The following PCSK2 variants were observed in gnomAD, a reference collection of about 807,000 sequenced individuals.
PCSK2 encodes the protein proprotein convertase subtilisin/kexin type 2.
PCSK2 carries 14 observed loss-of-function variants against 69.7 expected under a neutral mutation model. The ratio of observed to expected loss-of-function variants is 0.20; its 90% CI spans 0.13 to 0.31. PCSK2 has a LOEUF of 0.31. PCSK2 is among the 10% of genes least tolerant of loss of function. The probability of loss-of-function intolerance (pLI) is 1.00; values close to 1 mark genes in which losing one functional copy is unlikely to be tolerated. For missense variants in PCSK2, 544 were observed against 842.5 expected (o/e 0.65, Z 4.39); for synonymous variants, 307 against 320.7 (o/e 0.96, Z 0.46).
At chr20:17,361,858 G>C (rs2030407818) in intron 4 of PCSK2, among the ~76,000 whole-genome samples, 1 of 152,212 alleles carries the variant, frequency 6.6e-6, no homozygotes, top group African/African-American at 2.4e-5. Context: ...GATGTCAGGA[G>C]TTTATAAATG....
At chr20:17,406,915 C>A (rs889779991) in intron 5 of PCSK2, among the ~76,000 whole-genome samples, 2 of 152,104 alleles carry the variant, frequency 1.3e-5, no homozygotes, top group African/African-American at 4.8e-5. Context: ...AGACGGGGAC[C>A]TAGTGCTGGT....
At position 17,409,300 on chromosome 20, in the gene PCSK2, C is replaced by T. The variant is rs1341713404; in HGVS notation, c.581C>T (p.Pro194Leu). The T allele has an allele frequency of 6.8e-6, 11 of 1,613,898 alleles. No individual in the cohort carries two copies. The highest frequency in any genetic ancestry group is 9.3e-6 in the Non-Finnish European group (11 of 1,179,900). The stretch of plus-strand genomic sequence containing the variant: ...AGTTACGACTTCAGCAGCAACGACC[C>T]CTATCCTTACCCTCGGTACACAGAT... The part of the protein sequence containing the change: ...EASYDFSSND[P>L]YPYPRYTDDW... Residue 194 changes from proline to leucine, a missense_variant, in exon 6 of 12, where the codon CCC becomes CTC. Transcript: ENST00000262545.
At chr20:17,316,589 G>A (rs1405651476) in intron 2 of PCSK2, among the ~76,000 whole-genome samples, 1 of 152,104 alleles carries the variant, frequency 6.6e-6, no homozygotes, top group African/African-American at 2.4e-5. Context: ...CTAGAGTGCT[G>A]GCAACCCAGA....
Position 17,481,764 on chromosome 20 carries a change from C to T in PCSK2, c.1611C>T (p.Ser537=). 1 of 1,614,128 alleles carries T rather than the reference C, an allele frequency of 6.2e-7. No homozygotes were observed. Among genetic ancestry groups the T allele is most frequent in the Non-Finnish European group, 8.5e-7 (1 of 1,179,996 alleles). Reference sequence around the variant, plus strand: ...TGGGCACCAAGTCCATTTTGCTGAGCCGGCGTCCAAGGGATGACGACTCCA... The same window carrying T: ...TGGGCACCAAGTCCATTTTGCTGAGTCGGCGTCCAAGGGATGACGACTCCA... The part of the protein sequence containing the change: ...SPMGTKSILL[S]RRPRDDDSKV... Residue 537 remains serine, a synonymous_variant, in exon 12 of 12, where the codon AGC becomes AGT. Transcript: ENST00000262545.
chr20:17,481,960 G>A lies in PCSK2; in HGVS notation c.1807G>A (p.Val603Met). Residue 603 changes from valine to methionine, a missense_variant, in exon 12 of 12, where the codon GTG (valine) becomes ATG (methionine). Physicochemically the swap from Val to Met is conservative, Grantham distance 21. This residue lies in a region of PCSK2 where 200 missense variants were observed against 287.8 expected (regional missense o/e 0.69). Coordinates refer to ENST00000262545, the MANE Select transcript of PCSK2 (RefSeq NM_002594.5). ...GTQSAPYIDQ[V>M]VRDYQSKLAM... ...TCAGAGTGCCCCGTACATCGACCAG[G>A]TGGTGCGGGATTACCAGTCCAAGTT... 1 of 1,613,340 alleles carries A rather than the reference G, an allele frequency of 6.2e-7. No individual in the cohort carries two copies. Among genetic ancestry groups the A allele is most frequent in the Non-Finnish European group, 8.5e-7 (1 of 1,179,888 alleles).
At position 17,481,638 on chromosome 20, in the gene PCSK2, G is replaced by C. The variant is rs775395000; in HGVS notation, c.1485G>C (p.Glu495Asp). The change falls in exon 12 of 12, where the codon GAG becomes GAC. Residue 495 changes from glutamate (E) to aspartate (D), a missense_variant. This residue lies in a region of PCSK2 where 200 missense variants were observed against 287.8 expected (regional missense o/e 0.69). Transcript: ENST00000262545. Reference protein sequence around the residue: ...LVLTLTTDACEGKENFVRYLE... With the variant: ...LVLTLTTDACDGKENFVRYLE... ...TGACACTCACAACCGACGCCTGTGA[G>C]GGGAAGGAAAATTTTGTCCGCTACC... The C allele has an allele frequency of 1.2e-5, 20 of 1,613,982 alleles. No homozygotes were observed. Among genetic ancestry groups the C allele is most frequent in the Admixed American group, 6.7e-5 (4 of 59,982 alleles).
At chr20:17,272,809 C>G (rs998723293) in intron 2 of PCSK2, among the ~76,000 whole-genome samples, 5 of 152,006 alleles carry the variant, frequency 3.3e-5, no homozygotes, top group Non-Finnish European at 7.4e-5. Context: ...ACCAGGGAGG[C>G]TATTTGAAGA....
chr20:17,232,354 TG>T (rs2122931301), intron 1 of PCSK2, among the ~76,000 whole-genome samples: 1 of 152,370 alleles, frequency 6.6e-6, no homozygotes, highest in East Asian at 1.9e-4. Flanking sequence ...ATTTTACATC[TG>T]TTTTCTTTTA....
intron 11 of PCSK2, among the ~76,000 whole-genome samples, chr20:17,476,086 C>T (rs958709789): frequency 6.6e-6 from 1 of 152,202 alleles, no homozygotes; most frequent in Non-Finnish European, 1.5e-5. Context: ...TAGAATGTGT[C>T]ATTTCCCTCA....
chr20:17,276,830 G>C lies in PCSK2; in HGVS notation c.282+16486G>C, dbSNP rs1988098467. Reference sequence around the variant, plus strand: ...ATACCTAGAAAACCCCATCGTCTCAGCCCAAAATCTCCTTAAGCTGATAAG... The same window carrying C: ...ATACCTAGAAAACCCCATCGTCTCACCCCAAAATCTCCTTAAGCTGATAAG... On this transcript the variant is annotated intron_variant, in intron 2 of 11. Transcript: ENST00000262545. Among the ~76,000 whole-genome samples, 3 of 152,224 alleles carry C rather than the reference G, an allele frequency of 2.0e-5. No homozygotes were observed. The South Asian group carries it at 6.2e-4, about 32-fold the overall frequency.
chr20:17,293,170 A>G (rs947896115), intron 2 of PCSK2, among the ~76,000 whole-genome samples: 29 of 152,224 alleles, frequency 1.9e-4, no homozygotes, highest in African/African-American at 6.0e-4. Context: ...TAGAAAAGCT[A>G]TGAAGTTTTT....
Position 17,358,319 on chromosome 20 carries a change from C to A in PCSK2, c.283-8C>A, listed in dbSNP as rs55706167. On this transcript the variant is annotated splice_polypyrimidine_tract_variant and splice_region_variant and intron_variant, in intron 2 of 11. Transcript: ENST00000262545. ...TATTCAGGTAATATGTCAGCATTGT[C>A]ATTCCAGGTAAAGATGGCTTTGCAG... is the stretch of plus-strand genomic sequence containing the variant. The A allele has an allele frequency of 4.1e-5, 62 of 1,513,936 alleles. No homozygotes were observed. The highest frequency in any genetic ancestry group is 5.0e-5 in the Non-Finnish European group (54 of 1,088,890). The allele number at this position is 1,513,936 out of a possible 1,614,324, so 93.8% of individuals were successfully genotyped here. A position where few individuals can be genotyped will look rare whatever the true frequency, so the allele number is the denominator to read the frequency against.
At chr20:17,416,537 G>A (rs536479793) in intron 6 of PCSK2, among the ~76,000 whole-genome samples, 1 of 150,876 alleles carries the variant, frequency 6.6e-6, no homozygotes, top group Admixed American at 6.6e-5. Flanking sequence ...TGCTGGAGAG[G>A]ATGTGGAGAA....
intron 2 of PCSK2, among the ~76,000 whole-genome samples, chr20:17,281,484 G>A (rs552170194): frequency 6.6e-6 from 1 of 152,330 alleles, no homozygotes; most frequent in African/African-American, 2.4e-5. Flanking sequence ...CCATGGTGAT[G>A]CTGAGAATGT....
intron 8 of PCSK2, among the ~76,000 whole-genome samples, chr20:17,437,651 T>A (rs917966159): frequency 6.6e-6 from 1 of 152,190 alleles, no homozygotes; most frequent in Non-Finnish European, 1.5e-5. Flanking sequence ...TGCTCGGCAC[T>A]GAGAAGTGCC....
chr20:17,340,963 G>A (rs1990493300), intron 2 of PCSK2, among the ~76,000 whole-genome samples: 1 of 152,124 alleles, frequency 6.6e-6, no homozygotes, highest in African/African-American at 2.4e-5. Flanking sequence ...AATGTTTAAA[G>A]GATTGGCCGG....
At position 17,227,109 on chromosome 20, in the gene PCSK2, C is replaced by T. The variant is rs1985942390; in HGVS notation, c.-197C>T. Reference sequence around the variant, plus strand: ...GCCCGCGCGCCGGGCCGCCTGACTGCACGGCTTCCCCTCCAGCCAGATGCT... The same window carrying T: ...GCCCGCGCGCCGGGCCGCCTGACTGTACGGCTTCCCCTCCAGCCAGATGCT... On this transcript the variant is annotated 5_prime_UTR_variant, in exon 1 of 12. Coordinates refer to ENST00000262545, the MANE Select transcript of PCSK2 (RefSeq NM_002594.5). 7.1e-6 allele frequency: 4 copies of T among 565,238 alleles called. No homozygotes were observed. The East Asian group carries it at 8.7e-5, about 12-fold the overall frequency. 35.0% of individuals were successfully genotyped at this position (565,238 alleles called of 1,614,324 possible). A position where few individuals can be genotyped will look rare whatever the true frequency, so the allele number is the denominator to read the frequency against.
chr20:17,443,314 C>T (rs917914924), intron 8 of PCSK2, among the ~76,000 whole-genome samples: 1 of 152,194 alleles, frequency 6.6e-6, no homozygotes, highest in Non-Finnish European at 1.5e-5. Context: ...ATGCGGTTTA[C>T]AGAGAATGTC....
chr20:17,358,320 A>T lies in PCSK2; in HGVS notation c.283-7A>T, dbSNP rs369745502. 4.5e-4 allele frequency: 684 copies of T among 1,525,762 alleles called. 13 individuals are homozygous for T. The South Asian group carries it at 7.2e-3, about 16-fold the overall frequency. The allele number at this position is 1,525,762 out of a possible 1,614,324, so 94.5% of individuals were successfully genotyped here. The stretch of plus-strand genomic sequence containing the variant: ...ATTCAGGTAATATGTCAGCATTGTC[A>T]TTCCAGGTAAAGATGGCTTTGCAGC... On this transcript the variant is annotated splice_polypyrimidine_tract_variant and splice_region_variant and intron_variant, in intron 2 of 11. Transcript: ENST00000262545.
Sources: allele counts gnomAD v4.1 joint callset (sites outside exome capture counted in the v4.1 genomes callset), GRCh38; gene constraint gnomAD v4.1.1; regional missense constraint gnomAD v4.1.1; transcripts MANE v1.5; gene names NCBI Gene and HGNC (gene_info 2026-07-23, HGNC 2026-07-21).